The following INO80 variants were observed in gnomAD, a reference collection of about 807,000 sequenced individuals.
INO80 encodes INO80 complex ATPase subunit, also known as chromatin-remodeling ATPase INO80.
A neutral mutation model predicts 203.4 loss-of-function variants in INO80; 20 were observed. That is an observed-to-expected ratio of 0.10 (90% CI 0.07 to 0.14). The LOEUF is 0.14. Among genes scored for constraint, INO80 ranks in the 10% least tolerant of loss-of-function variants. The pLI, the probability that INO80 is intolerant of heterozygous loss-of-function variation, is 1.00. For synonymous variants in INO80, 726 were observed against 685.2 expected (o/e 1.06, Z -0.93); for missense variants, 1,419 against 1,914.4 (o/e 0.74, Z 4.83).
At chr15:41,102,007 C>G (rs2045815703) in intron 1 of INO80, among the ~76,000 whole-genome samples, 1 of 151,732 alleles carries the variant, frequency 6.6e-6, no homozygotes, top group Admixed American at 6.6e-5. Context: ...CTGGCTAACA[C>G]AGTGAAATCC....
chr15:41,011,142 T>C (rs1203785608), intron 27 of INO80, among the ~76,000 whole-genome samples: 2 of 152,244 alleles, frequency 1.3e-5, no homozygotes, highest in Non-Finnish European at 2.9e-5. Flanking sequence ...CTCTTGTACC[T>C]TTCTATCTCT....
At chr15:41,085,747 T>G (rs1161757786) in intron 6 of INO80, among the ~76,000 whole-genome samples, 164 bp from the exon 7 acceptor site, 1 of 152,078 alleles carries the variant, frequency 6.6e-6, no homozygotes, top group Non-Finnish European at 1.5e-5. Flanking sequence ...GGAAGAAAAG[T>G]AACAGAGAAG....
chr15:41,013,493 G>A (rs1028777852), intron 27 of INO80, among the ~76,000 whole-genome samples: 3 of 152,048 alleles, frequency 2.0e-5, no homozygotes, highest in Admixed American at 6.5e-5. Context: ...ATAAAAAAAC[G>A]CAGACCTAGT....
At chr15:41,085,263 T>C (rs2045543876) in intron 7 of INO80, 106 bp downstream of exon 7, 2 of 944,400 alleles carry the variant, frequency 2.1e-6, no homozygotes, top group African/African-American at 3.3e-5. Flanking sequence ...TTAGTTTCTT[T>C]GCAGAATTCC....
intron 27 of INO80, among the ~76,000 whole-genome samples, chr15:41,012,564 A>AAAAAAAAAG (rs2044147439): frequency 6.7e-6 from 1 of 149,476 alleles, no homozygotes; most frequent in African/African-American, 2.4e-5. Flanking sequence ...CTCTTTTTAA[A>AAAAAAAAAG]AAAAAAAAAA....
At chr15:41,031,524 GGAAGGA>G (rs1349914774) in intron 24 of INO80, among the ~76,000 whole-genome samples, 11 of 64,106 alleles carry the variant, frequency 1.7e-4, no homozygotes, top group East Asian at 4.2e-4. Context: ...GGGGAAGGGA[GGAAGGA>G]GAAGGGAGGA....
At chr15:41,097,063 A>G (rs1197354169) in intron 1 of INO80, among the ~76,000 whole-genome samples, 1 of 152,204 alleles carries the variant, frequency 6.6e-6, no homozygotes, top group African/African-American at 2.4e-5. Context: ...CACAATCAGT[A>G]TAACAACGCT....
chr15:41,074,380 C>T lies in INO80; in HGVS notation c.1317G>A (p.Gln439=). 3 of 1,610,502 alleles carry T rather than the reference C, an allele frequency of 1.9e-6. No homozygotes were observed. The highest frequency in any genetic ancestry group is 2.5e-6 in the Non-Finnish European group (3 of 1,178,218). The part of the protein sequence containing the change: ...IGGGVVVNIT[Q]EDYDSNHFKA... ...TGACTGAGGACTCACCATAATCCTC[C>T]TGTGTGATGTTAACTACCACTCCTC... Residue 439 remains glutamine (Q), a synonymous_variant, in exon 10 of 36, where the codon CAG becomes CAA. Coordinates refer to ENST00000648947, the MANE Select transcript of INO80 (RefSeq NM_017553.3).
chr15:41,004,182 C>G (rs543520375), intron 28 of INO80, among the ~76,000 whole-genome samples: 2 of 152,096 alleles, frequency 1.3e-5, no homozygotes, highest in Admixed American at 6.6e-5. Context: ...CACAGCTGCA[C>G]GAGGGTAACA....
Position 40,980,393 on chromosome 15 carries a change from C to A in INO80, c.4501G>T (p.Gly1501Cys). 1 of 1,613,892 alleles carries A rather than the reference C, an allele frequency of 6.2e-7. No individual in the cohort carries two copies. Among genetic ancestry groups the A allele is most frequent in the Non-Finnish European group, 8.5e-7 (1 of 1,180,034 alleles). Residue 1501 changes from glycine (G) to cysteine (C), a missense_variant, in exon 36 of 36, where the codon GGC (glycine) becomes TGC (cysteine). By Grantham distance (159) the Gly-to-Cys change is radical (BLOSUM62 -3). Around this residue, in one of 9 missense-constraint regions of INO80, gnomAD observed 112 missense variants for 106.2 expected, o/e 1.05. Coordinates refer to ENST00000648947, the MANE Select transcript of INO80 (RefSeq NM_017553.3). Reference protein sequence around the residue: ...PLQTSLVRPAGLADFGPSSAS... With the variant: ...PLQTSLVRPACLADFGPSSAS... ...CTTGAAGGTCCAAAGTCAGCAAGGC[C>A]AGCAGGCCGAACAAGGGATGTCTGC... is the stretch of plus-strand genomic sequence containing the variant.
At chr15:41,041,338 G>T (rs760996640) in intron 24 of INO80, among the ~76,000 whole-genome samples, 2 of 151,886 alleles carry the variant, frequency 1.3e-5, no homozygotes, top group Non-Finnish European at 2.9e-5. Flanking sequence ...CGATCATCCC[G>T]CCTCAGCCTC....
intron 18 of INO80, among the ~76,000 whole-genome samples, chr15:41,054,594 C>T (rs1485997390): frequency 6.6e-6 from 1 of 152,094 alleles, no homozygotes; most frequent in African/African-American, 2.4e-5. Flanking sequence ...AAAGCTTTGA[C>T]CCATTAGACC....
chr15:41,055,822 T>G (rs1439686450), intron 17 of INO80, among the ~76,000 whole-genome samples: 1 of 152,234 alleles, frequency 6.6e-6, no homozygotes, highest in African/African-American at 2.4e-5. Flanking sequence ...CATTCACTTA[T>G]GTATTGCCTA....
intron 1 of INO80, among the ~76,000 whole-genome samples, chr15:41,097,429 A>C (rs2045742539): frequency 6.6e-6 from 1 of 152,184 alleles, no homozygotes; most frequent in Non-Finnish European, 1.5e-5. Context: ...AGACTAAATA[A>C]TGACATAATT....
intron 1 of INO80, among the ~76,000 whole-genome samples, chr15:41,097,688 G>A (rs577984456): frequency 1.0e-3 from 154 of 152,004 alleles, no homozygotes; most frequent in Non-Finnish European, 1.8e-3. Context: ...TGGTCAGGCT[G>A]GTCTGGAACT....
Position 41,070,350 on chromosome 15 carries a change from A to G in INO80, c.1686+117T>C, listed in dbSNP as rs539058507. 1.1e-4 allele frequency: 97 copies of G among 906,634 alleles called. No individual in the cohort carries two copies. In the South Asian group the frequency reaches 1.5e-3, roughly 14 times the overall value. The allele number at this position is 906,634 out of a possible 1,614,324, so 56.2% of individuals were successfully genotyped here. On this transcript the variant is annotated intron_variant, in intron 13 of 35. Transcript: ENST00000648947. The stretch of plus-strand genomic sequence containing the variant: ...TTATAAAGCTCTGAGGCAAGAACCC[A>G]GTCCCACTATCTTGGAATGCTACAC...
chr15:41,107,678 T>C (rs1337827302), intron 1 of INO80, among the ~76,000 whole-genome samples: 1 of 151,828 alleles, frequency 6.6e-6, no homozygotes, highest in Non-Finnish European at 1.5e-5. Flanking sequence ...TGGGCACCTG[T>C]AATCCCAGCT....
At chr15:41,039,922 T>C (rs140227552) in intron 24 of INO80, among the ~76,000 whole-genome samples, 1 of 152,184 alleles carries the variant, frequency 6.6e-6, no homozygotes, top group African/African-American at 2.4e-5. Context: ...ATGTATATAA[T>C]TTAAAACAAA....
At chr15:40,987,295 G>T in intron 30 of INO80, 102 bp from the exon 31 acceptor site, 1 of 652,322 alleles carries the variant, frequency 1.5e-6, no homozygotes, top group East Asian at 2.8e-5. Flanking sequence ...CCTCAGGGGA[G>T]GCCTCTGGTT....
Sources: gnomAD v4.1 joint callset for allele counts (sites outside exome capture counted in the v4.1 genomes callset) on GRCh38, gnomAD v4.1.1 for gene constraint, gnomAD v4.1.1 regional missense constraint, MANE v1.5 for transcripts, NCBI Gene and HGNC (gene_info 2026-07-23, HGNC 2026-07-21) for gene names.